Variants in RBFOX1 observed in about 807,000 individuals in gnomAD.
RBFOX1 encodes the protein RNA binding protein fox-1 homolog 1.
Under a neutral mutation model 57.7 loss-of-function variants are expected in RBFOX1, and 8 were observed. That is an observed-to-expected ratio of 0.14 (90% CI 0.08 to 0.25). The LOEUF (loss-of-function observed/expected upper bound fraction) is 0.25, where lower values mean the gene tolerates loss of function less well. Among genes scored for constraint, RBFOX1 ranks in the 10% least tolerant of loss-of-function variants. The pLI is 1.00. For missense variants in RBFOX1, 611 were observed against 548.5 expected, an observed-to-expected ratio of 1.11 and a Z score of -1.14; for synonymous variants, 326 against 222.4, an observed-to-expected ratio of 1.47 and a Z score of -4.15.
intron 1 of RBFOX1, among the ~76,000 whole-genome samples, chr16:6,141,361 C>G (rs2096714603): frequency 6.6e-6 from 1 of 152,166 alleles, no homozygotes. Context: ...GATCTCTGGG[C>G]ATAACCCTGA....
chr16:6,782,026 T>C lies in RBFOX1; in HGVS notation c.-16+127376T>C, dbSNP rs190363146. Reference sequence around the variant, plus strand: ...TGCTGTTGTTGTTATTGTTGTTTTTTATACGGAGCCTTGCTCTGTCACTGG... The same window carrying C: ...TGCTGTTGTTGTTATTGTTGTTTTTCATACGGAGCCTTGCTCTGTCACTGG... On this transcript the variant is annotated intron_variant, in intron 3 of 15. Coordinates refer to ENST00000550418, the MANE Select transcript of RBFOX1 (RefSeq NM_018723.4). Among the ~76,000 whole-genome samples, 201 of 152,240 alleles carry C rather than the reference T, an allele frequency of 1.3e-3. 2 individuals carry two copies. Among genetic ancestry groups the C allele is most frequent in the Admixed American group, 0.012 (176 of 15,264 alleles).
At chr16:6,825,936 C>T (rs1328949604) in intron 3 of RBFOX1, among the ~76,000 whole-genome samples, 2 of 152,156 alleles carry the variant, frequency 1.3e-5, no homozygotes, top group Non-Finnish European at 2.9e-5. Context: ...CCTGGTTGTA[C>T]CGCAGGGTGC....
chr16:6,000,651 G>C (rs1012334871), intron 4 of RBFOX1, among the ~76,000 whole-genome samples: 1 of 152,048 alleles, frequency 6.6e-6, no homozygotes, highest in African/African-American at 2.4e-5. Context: ...ATGGATGAAA[G>C]GGTAGGTGGA....
intron 4 of RBFOX1, among the ~76,000 whole-genome samples, chr16:7,257,993 C>T (rs1424424854): frequency 1.3e-5 from 2 of 152,186 alleles, no homozygotes; most frequent in African/African-American, 4.8e-5. Context: ...TGTATCGACA[C>T]AACTCTGACA....
chr16:7,122,834 C>T (rs137931532), intron 4 of RBFOX1, among the ~76,000 whole-genome samples: 4 of 152,110 alleles, frequency 2.6e-5, no homozygotes, highest in Admixed American at 6.6e-5. Flanking sequence ...GAATTTGAAG[C>T]ATTACATGTA....
intron 3 of RBFOX1, among the ~76,000 whole-genome samples, chr16:6,853,207 A>G (rs1267171245): frequency 6.6e-6 from 1 of 152,170 alleles, no homozygotes; most frequent in Non-Finnish European, 1.5e-5. Context: ...GTTTACCCTT[A>G]GGGCTTTTGT....
chr16:6,637,608 T>G lies in RBFOX1; in HGVS notation c.-63-16995T>G, dbSNP rs1218185822. 3.4e-5 allele frequency among the ~76,000 whole-genome samples: 5 copies of G among 147,336 alleles called. 1 individual carries two copies. Among genetic ancestry groups the G allele is most frequent in the African/African-American group, 1.3e-4 (5 of 39,792 alleles). ...AATAGTCTATATATATATTAGAATG[T>G]GCATTTAACTTGAAAAGGTTGAAAC... On this transcript the variant is annotated intron_variant, in intron 2 of 15. Coordinates refer to ENST00000550418, the MANE Select transcript of RBFOX1 (RefSeq NM_018723.4).
At chr16:7,236,742 G>A (rs73544821) in intron 4 of RBFOX1, among the ~76,000 whole-genome samples, 1,694 of 151,936 alleles carry the variant, frequency 0.011, 36 homozygotes, top group African/African-American at 0.039. Context: ...AGCCTTCAGT[G>A]GCCTGAATTA....
intron 2 of RBFOX1, among the ~76,000 whole-genome samples, chr16:6,630,784 C>G (rs1469327610): frequency 6.6e-6 from 1 of 152,018 alleles, no homozygotes; most frequent in Admixed American, 6.6e-5. Context: ...TGTAGTTGAC[C>G]TATGTTACCC....
chr16:6,923,280 T>G (rs888749677), intron 3 of RBFOX1, among the ~76,000 whole-genome samples: 3 of 152,124 alleles, frequency 2.0e-5, no homozygotes, highest in Non-Finnish European at 2.9e-5. Context: ...ATGCCTATAA[T>G]CCCAGAACTT....
intron 3 of RBFOX1, among the ~76,000 whole-genome samples, chr16:5,844,235 A>T (rs2056695174): frequency 6.6e-6 from 1 of 152,144 alleles, no homozygotes; most frequent in Admixed American, 6.5e-5. Context: ...TTTTCCACCA[A>T]CCTGACTTAG....
intron 1 of RBFOX1, among the ~76,000 whole-genome samples, chr16:6,094,533 C>T (rs2096220421): frequency 6.6e-6 from 1 of 152,094 alleles, no homozygotes; most frequent in African/African-American, 2.4e-5. Flanking sequence ...CCACTGGAAG[C>T]TTGAAAGGAG....
intron 3 of RBFOX1, among the ~76,000 whole-genome samples, chr16:6,963,086 C>A (rs182030023): frequency 6.6e-6 from 1 of 152,184 alleles, no homozygotes; most frequent in East Asian, 1.9e-4. Flanking sequence ...GCCCACCTTC[C>A]CTCTCCTTTA....
chr16:6,996,660 C>T (rs1013603487), intron 3 of RBFOX1, among the ~76,000 whole-genome samples: 6 of 152,150 alleles, frequency 3.9e-5, no homozygotes, highest in African/African-American at 1.4e-4. Context: ...ATTAGTTTGT[C>T]TGAGGTCACA....
At chr16:7,065,008 G>C (rs2055600852) in intron 4 of RBFOX1, among the ~76,000 whole-genome samples, 1 of 152,162 alleles carries the variant, frequency 6.6e-6, no homozygotes, top group African/African-American at 2.4e-5. Context: ...AAATCAGATG[G>C]ACGCAGCAAT....
At chr16:6,082,243 C>G (rs1213607444) in intron 1 of RBFOX1, among the ~76,000 whole-genome samples, 1 of 131,032 alleles carries the variant, frequency 7.6e-6, no homozygotes, top group Non-Finnish European at 1.5e-5. Context: ...TGTAGTGGTG[C>G]AATCTCGGCT....
chr16:7,367,040 C>T (rs992031042), intron 4 of RBFOX1, among the ~76,000 whole-genome samples: 1 of 151,836 alleles, frequency 6.6e-6, no homozygotes, highest in Admixed American at 6.6e-5. Flanking sequence ...GCTTGATTCC[C>T]TCCCCCAAAC....
intron 3 of RBFOX1, among the ~76,000 whole-genome samples, chr16:5,736,951 T>C (rs1327272112): frequency 6.7e-6 from 1 of 148,376 alleles, no homozygotes; most frequent in African/African-American, 2.5e-5. Context: ...CTCCCTTCTT[T>C]CCTGGCCCCC....
intron 4 of RBFOX1, among the ~76,000 whole-genome samples, chr16:7,243,707 C>T (rs1038039851): frequency 7.2e-5 from 11 of 152,056 alleles, no homozygotes; most frequent in Non-Finnish European, 1.5e-4. Flanking sequence ...TCATCACATC[C>T]AGCTAATTTT....
Sources: allele counts gnomAD v4.1 joint callset (sites outside exome capture counted in the v4.1 genomes callset), GRCh38; gene constraint gnomAD v4.1.1; transcripts MANE v1.5; gene names NCBI Gene and HGNC (gene_info 2026-07-23, HGNC 2026-07-21).